Variants in CTNNA2 observed in about 807,000 individuals in gnomAD.
CTNNA2 encodes the protein catenin alpha 2, also known as catenin alpha-2.
Under a neutral mutation model 101.0 loss-of-function variants are expected in CTNNA2, and 42 were observed. The ratio of observed to expected loss-of-function variants is 0.42; its 90% confidence interval spans 0.32 to 0.54. CTNNA2 has a LOEUF of 0.54. Among genes scored for constraint, CTNNA2 ranks in the 20% least tolerant of loss-of-function variants. CTNNA2 has a pLI of 0.14. For synonymous variants in CTNNA2, 450 were observed against 456.4 expected (o/e 0.99, Z 0.18); for missense variants, 871 against 1,223.1 (o/e 0.71, Z 4.29).
chr2:79,873,965 AG>A, intron 5 of CTNNA2, 110 bp from the exon 6 acceptor site: 6 of 1,472,524 alleles, frequency 4.1e-6, no homozygotes, highest in Non-Finnish European at 5.4e-6. Flanking sequence ...AAACAGCACA[AG>A]GGTTTCTGAA....
chr2:79,540,105 A>G (rs1159770428), intron 1 of CTNNA2, among the ~76,000 whole-genome samples: 6 of 152,186 alleles, frequency 3.9e-5, no homozygotes, highest in South Asian at 2.1e-4. Context: ...AGAACCTTAT[A>G]TATTTTTTTG....
At chr2:79,196,217 C>A (rs1186581510) in intron 1 of CTNNA2, among the ~76,000 whole-genome samples, 1 of 152,110 alleles carries the variant, frequency 6.6e-6, no homozygotes, top group Non-Finnish European at 1.5e-5. Flanking sequence ...TAGGCATAAG[C>A]CACCGCACCC....
intron 17 of CTNNA2, chr2:80,616,283 C>A (rs1015129962): frequency 6.6e-6 from 1 of 151,696 alleles, no homozygotes; most frequent in African/African-American, 2.4e-5. Context: ...TACCATAAAA[C>A]AAAATCAAAA....
intron 7 of CTNNA2, among the ~76,000 whole-genome samples, chr2:80,060,521 G>A (rs1697511757): frequency 6.6e-6 from 1 of 152,102 alleles, no homozygotes. Flanking sequence ...AAGACCCCAT[G>A]ACCTGGCTCC....
chr2:80,328,516 G>A (rs1671028764), intron 7 of CTNNA2, among the ~76,000 whole-genome samples: 1 of 152,214 alleles, frequency 6.6e-6, no homozygotes, highest in South Asian at 2.1e-4. Context: ...AGCCCTAGTG[G>A]CTGGAGTGGG....
intron 5 of CTNNA2, among the ~76,000 whole-genome samples, chr2:79,871,871 C>T (rs535709748): frequency 1.3e-5 from 2 of 152,088 alleles, no homozygotes; most frequent in South Asian, 2.1e-4. Flanking sequence ...TTAAAAGCCA[C>T]GAGAATATAT....
At chr2:80,155,647 T>C (rs1051770789) in intron 7 of CTNNA2, among the ~76,000 whole-genome samples, 4 of 152,182 alleles carry the variant, frequency 2.6e-5, no homozygotes, top group Admixed American at 2.0e-4. Flanking sequence ...CTGAGGCAGA[T>C]TGGCAAGCCT....
At chr2:79,416,839 T>C (rs1415967908) in intron 4 of CTNNA2, among the ~76,000 whole-genome samples, 1 of 152,062 alleles carries the variant, frequency 6.6e-6, no homozygotes, top group Non-Finnish European at 1.5e-5. Context: ...AGAAGTCACT[T>C]AAAAAGATGA....
chr2:79,760,698 A>G (rs1051730551), intron 3 of CTNNA2, among the ~76,000 whole-genome samples: 1 of 152,228 alleles, frequency 6.6e-6, no homozygotes, highest in Admixed American at 6.5e-5. Flanking sequence ...CCATCACAAT[A>G]GGTAATAATT....
At chr2:80,444,464 C>T (rs1682895466) in intron 9 of CTNNA2, among the ~76,000 whole-genome samples, 1 of 152,128 alleles carries the variant, frequency 6.6e-6, no homozygotes, top group South Asian at 2.1e-4. Context: ...TCTGCAGTTT[C>T]TCAATATCAG....
At chr2:79,628,155 A>C (rs1679441866) in intron 1 of CTNNA2, among the ~76,000 whole-genome samples, 1 of 152,134 alleles carries the variant, frequency 6.6e-6, no homozygotes, top group Non-Finnish European at 1.5e-5. Context: ...CTCACATTAA[A>C]AAATTGGTGA....
intron 15 of CTNNA2, chr2:80,601,792 T>C (rs1442918108): frequency 6.6e-6 from 1 of 152,074 alleles, no homozygotes; most frequent in Non-Finnish European, 1.5e-5. Flanking sequence ...ATTTTATTAG[T>C]TTTTTTCCAA....
intron 2 of CTNNA2, among the ~76,000 whole-genome samples, chr2:79,235,943 T>C (rs1674551787): frequency 6.6e-6 from 1 of 152,192 alleles, no homozygotes; most frequent in Non-Finnish European, 1.5e-5. Flanking sequence ...CCCCACTGGC[T>C]GAGTTTAGGC....
rs1477789920 is a variant in CTNNA2 at position 80,162,461 on chromosome 2, G to T, written c.1057-230750G>T. The T allele has an allele frequency of 4.4e-6, 7 of 1,596,408 alleles. No homozygotes were observed. The East Asian group carries it at 1.6e-4, about 36-fold the overall frequency. ...TTTTAACATGTGTTAGTGTCGAGAT[G>T]AGCGCCATTTTCCATCTCTGCTACT... is the stretch of plus-strand genomic sequence containing the variant. On this transcript the variant is annotated intron_variant, in intron 7 of 18. Coordinates refer to ENST00000402739, the MANE Select transcript of CTNNA2 (RefSeq NM_001282597.3).
intron 2 of CTNNA2, among the ~76,000 whole-genome samples, chr2:79,268,496 T>A (rs145833373): frequency 1.3e-5 from 2 of 152,224 alleles, no homozygotes; most frequent in Non-Finnish European, 2.9e-5. Flanking sequence ...CTGAGTTCTG[T>A]GAGCTGCTCA....
chr2:79,448,543 C>A (rs2104524898), intron 4 of CTNNA2, among the ~76,000 whole-genome samples: 1 of 152,178 alleles, frequency 6.6e-6, no homozygotes, highest in South Asian at 2.1e-4. Context: ...CTTTAGACCT[C>A]CAGTATGGCT....
intron 7 of CTNNA2, among the ~76,000 whole-genome samples, chr2:80,164,252 A>G (rs1471583660): frequency 6.6e-6 from 1 of 151,664 alleles, no homozygotes; most frequent in Non-Finnish European, 1.5e-5. Flanking sequence ...CTGTCTTCCT[A>G]TGTATTACTT....
chr2:79,868,139 A>G (rs562182958), intron 4 of CTNNA2, among the ~76,000 whole-genome samples: 4 of 152,312 alleles, frequency 2.6e-5, no homozygotes, highest in Non-Finnish European at 5.9e-5. Flanking sequence ...CATGAGCACT[A>G]TTAGAGCCTA....
At chr2:80,306,124 G>A (rs1056543996) in intron 7 of CTNNA2, among the ~76,000 whole-genome samples, 1 of 152,038 alleles carries the variant, frequency 6.6e-6, no homozygotes, top group African/African-American at 2.4e-5. Context: ...ATATGAACAG[G>A]GGCATGAATC....
Sources: allele counts gnomAD v4.1 joint callset (sites outside exome capture counted in the v4.1 genomes callset), GRCh38; gene constraint gnomAD v4.1.1; transcripts MANE v1.5; gene names NCBI Gene and HGNC (gene_info 2026-07-23, HGNC 2026-07-21).